The following SCARA3 variants were observed in gnomAD, a reference collection of about 807,000 sequenced individuals.
SCARA3 encodes the protein cellular stress response gene protein.
In SCARA3, 39 loss-of-function variants were observed where a neutral mutation model predicts 47.0. The ratio of observed to expected loss-of-function variants is 0.83; its 90% CI spans 0.64 to 1.08. The LOEUF is 1.08. SCARA3 is among the 50% of genes least tolerant of loss of function. SCARA3 has a pLI of 0.00. For missense variants in SCARA3, 724 were observed against 792.3 expected, an observed-to-expected ratio of 0.91 and a Z score of 1.04; for synonymous variants, 356 against 334.1, an observed-to-expected ratio of 1.07 and a Z score of -0.71.
At chr8:27,693,124 C>CA in the SCARA3 span, among the ~76,000 whole-genome samples, 77 of 99,056 alleles carry the variant, frequency 7.8e-4, no homozygotes, top group East Asian at 7.0e-3. Context: ...GACTCTGTCT[C>CA]AAAAAAAAAA....
At chr8:27,685,831 G>GA in the SCARA3 span, among the ~76,000 whole-genome samples, 1 of 151,948 alleles carries the variant, frequency 6.6e-6, no homozygotes, top group Non-Finnish European at 1.5e-5. Flanking sequence ...TCCAAAGAAA[G>GA]AAACATGTTA....
At chr8:27,731,262 ATATTAT>A in the SCARA3 span, among the ~76,000 whole-genome samples, 1 of 150,630 alleles carries the variant, frequency 6.6e-6, no homozygotes, top group African/African-American at 2.4e-5. Context: ...GCTAATTTTT[ATATTAT>A]TATTATTATT....
intron 1 of SCARA3, among the ~76,000 whole-genome samples, chr8:27,647,620 G>C (rs777894535): frequency 1.3e-5 from 2 of 152,220 alleles, no homozygotes; most frequent in African/African-American, 2.4e-5. Context: ...GAACTGAAGC[G>C]CTGGGGAAGA....
the SCARA3 span, among the ~76,000 whole-genome samples, chr8:27,690,484 G>A: frequency 3.9e-5 from 6 of 152,242 alleles, no homozygotes; most frequent in African/African-American, 1.4e-4. Flanking sequence ...GCAAAAGATT[G>A]TAAATTAACC....
chr8:27,656,936 G>A, intron 4 of SCARA3, 56 bp downstream of exon 4: 2 of 1,144,972 alleles, frequency 1.7e-6, no homozygotes, highest in Non-Finnish European at 2.7e-6. Flanking sequence ...GGGCAGGGGT[G>A]CCCTCCCCAC....
chr8:27,693,297 C>A, the SCARA3 span, among the ~76,000 whole-genome samples: 2 of 152,332 alleles, frequency 1.3e-5, no homozygotes, highest in Admixed American at 1.3e-4. Flanking sequence ...TGTAGCCTGA[C>A]AACATTGGGC....
intron 1 of SCARA3, among the ~76,000 whole-genome samples, 180 bp from the exon 2 acceptor site, chr8:27,649,522 C>T (rs1043511812): frequency 4.6e-5 from 7 of 152,226 alleles, no homozygotes; most frequent in Non-Finnish European, 1.0e-4. Context: ...GACATCCCAG[C>T]TCCTCAGCCA....
At chr8:27,634,230 A>G (rs1563397058) in intron 1 of SCARA3, 23 bp downstream of exon 1, 1 of 1,349,638 alleles carries the variant, frequency 7.4e-7, no homozygotes, top group Non-Finnish European at 9.5e-7. Context: ...TGTCGGGGGC[A>G]GCTCCGAGGG....
Position 27,663,993 on chromosome 8 carries a change from T to G in SCARA3, c.1369+4454T>G, listed in dbSNP as rs1470880299. Reference sequence around the variant, plus strand: ...GCCCACAAGGCATTGTGCCTTCTTTTGGGTTTTAGGAGGGGCCTGATGAAA... The same window carrying G: ...GCCCACAAGGCATTGTGCCTTCTTTGGGGTTTTAGGAGGGGCCTGATGAAA... On this transcript the variant is annotated intron_variant, in intron 5 of 5. Coordinates refer to ENST00000301904, the MANE Select transcript of SCARA3 (RefSeq NM_016240.3). 3.3e-5 allele frequency among the ~76,000 whole-genome samples: 5 copies of G among 152,224 alleles called. No homozygotes were observed. The South Asian group carries it at 8.3e-4, about 25-fold the overall frequency.
chr8:27,684,664 CAAAA>C, the SCARA3 span, among the ~76,000 whole-genome samples: 3 of 141,484 alleles, frequency 2.1e-5, no homozygotes, highest in South Asian at 2.2e-4. Context: ...AAGGCTGTGT[CAAAA>C]AAAAAAAAAA....
intron 5 of SCARA3, among the ~76,000 whole-genome samples, chr8:27,668,541 C>A (rs917257932): frequency 4.6e-5 from 3 of 65,086 alleles, no homozygotes; most frequent in Non-Finnish European, 1.2e-4. Context: ...AGCGAGACTC[C>A]GTCTCAAAAA....
At chr8:27,732,118 C>G in the SCARA3 span, among the ~76,000 whole-genome samples, 1 of 152,212 alleles carries the variant, frequency 6.6e-6, no homozygotes, top group African/African-American at 2.4e-5. Context: ...GCAGCTAAGG[C>G]CTCATCCAGG....
chr8:27,728,724 T>C, the SCARA3 span, among the ~76,000 whole-genome samples: 1 of 152,214 alleles, frequency 6.6e-6, no homozygotes, highest in Non-Finnish European at 1.5e-5. Context: ...ATTGTCATTG[T>C]AAAACAGAAC....
chr8:27,691,201 A>G, the SCARA3 span, among the ~76,000 whole-genome samples: 1 of 151,988 alleles, frequency 6.6e-6, no homozygotes, highest in Admixed American at 6.6e-5. Flanking sequence ...CTGCCTTTCC[A>G]AAGCAAGGAG....
intron 1 of SCARA3, among the ~76,000 whole-genome samples, chr8:27,638,288 A>G (rs1801300610): frequency 6.7e-6 from 1 of 149,048 alleles, no homozygotes; most frequent in African/African-American, 2.5e-5. Context: ...TGCACTGCCC[A>G]TGTTTGATCA....
the SCARA3 span, among the ~76,000 whole-genome samples, chr8:27,720,150 AAGGCTG>A: frequency 6.6e-6 from 1 of 151,132 alleles, no homozygotes; most frequent in Non-Finnish European, 1.5e-5. Flanking sequence ...GGGGTGCTTC[AAGGCTG>A]GGTGCTCGAA....
the SCARA3 span, among the ~76,000 whole-genome samples, chr8:27,704,871 G>A: frequency 6.6e-6 from 1 of 152,310 alleles, no homozygotes; most frequent in South Asian, 2.1e-4. Context: ...CTGAGCTGGA[G>A]ATGGGAGGGA....
At chr8:27,687,392 C>T in the SCARA3 span, among the ~76,000 whole-genome samples, 2 of 152,174 alleles carry the variant, frequency 1.3e-5, no homozygotes, top group African/African-American at 2.4e-5. Flanking sequence ...TCTCCTTCCT[C>T]AATCTTGCAG....
the SCARA3 span, among the ~76,000 whole-genome samples, chr8:27,727,258 T>C: frequency 2.6e-5 from 4 of 152,178 alleles, no homozygotes; most frequent in Non-Finnish European, 4.4e-5. Flanking sequence ...AGAAGAAGAT[T>C]CAGGCACCTT....
Sources: allele counts gnomAD v4.1 joint callset (sites outside exome capture counted in the v4.1 genomes callset), GRCh38; gene constraint gnomAD v4.1.1; transcripts MANE v1.5; gene names NCBI Gene and HGNC (gene_info 2026-07-23, HGNC 2026-07-21).